The following PRDM2 variants were observed in gnomAD, a reference collection of about 807,000 sequenced individuals.
PRDM2 encodes the protein PR domain zinc finger protein 2.
PRDM2 carries 30 observed loss-of-function variants against 130.0 expected under a neutral mutation model. The ratio of observed to expected loss-of-function variants is 0.23; its 90% CI spans 0.17 to 0.31. The LOEUF is 0.31. Among genes scored for constraint, PRDM2 ranks in the 10% least tolerant of loss-of-function variants. The probability of loss-of-function intolerance (pLI) is 1.00; values close to 1 mark genes in which losing one functional copy is unlikely to be tolerated. For missense variants in PRDM2, 2,011 were observed against 2,108.4 expected, an observed-to-expected ratio of 0.95 and a Z score of 0.90; for synonymous variants, 871 against 782.4, an observed-to-expected ratio of 1.11 and a Z score of -1.89.
Position 13,816,440 on chromosome 1 carries a change from T to C in PRDM2, c.5050T>C (p.Leu1684=). The C allele has an allele frequency of 3.1e-6, 5 of 1,614,150 alleles. No individual in the cohort carries two copies. The highest frequency in any genetic ancestry group is 4.2e-6 in the Non-Finnish European group (5 of 1,180,016). ...ELKDFSYSLR[L]ASRCSPPAAP... ...CTTCCTGCACAGCTACAGCCTCCGC[T>C]TGGCGTCCCGATGCTCTCCACCAGC... The change falls in exon 9 of 10, where the codon TTG becomes CTG. Residue 1684 remains leucine (L), a synonymous_variant. Transcript: ENST00000311066.
At chr1:13,800,733 G>A (rs1023725349) in intron 8 of PRDM2, among the ~76,000 whole-genome samples, 1 of 152,148 alleles carries the variant, frequency 6.6e-6, no homozygotes, top group South Asian at 2.1e-4. Flanking sequence ...ATGCTTAAAT[G>A]TACCCATACT....
intron 8 of PRDM2, among the ~76,000 whole-genome samples, chr1:13,811,887 G>C (rs1472370511): frequency 6.6e-6 from 1 of 152,256 alleles, no homozygotes; most frequent in Non-Finnish European, 1.5e-5. Flanking sequence ...GTGGGAGGGA[G>C]CTGTGGGCAG....
chr1:13,803,558 A>G lies in PRDM2; in HGVS notation c.5037-12869A>G, dbSNP rs923865074. 1.3e-5 allele frequency among the ~76,000 whole-genome samples: 2 copies of G among 152,094 alleles called. No individual in the cohort carries two copies. Among genetic ancestry groups the G allele is most frequent in the Admixed American group, 6.5e-5 (1 of 15,280 alleles). On this transcript the variant is annotated intron_variant, in intron 8 of 9. Transcript: ENST00000311066. The surrounding 1 kb of genome is among the most constrained non-coding windows in gnomAD (Gnocchi z 6.2). ...CTGTCTCCTCACTGCTCCCAAGAAC[A>G]ACCTGGAGTATGACTGTGAGCGAGT...
At chr1:13,797,157 C>T (rs1644935439) in intron 8 of PRDM2, among the ~76,000 whole-genome samples, 1 of 152,170 alleles carries the variant, frequency 6.6e-6, no homozygotes, top group African/African-American at 2.4e-5. Context: ...AGTTCACTAC[C>T]TTTAGCAGAG....
intron 1 of PRDM2, among the ~76,000 whole-genome samples, chr1:13,706,095 T>A (rs1286031846): frequency 1.3e-5 from 2 of 151,880 alleles, no homozygotes; most frequent in Non-Finnish European, 2.9e-5. Context: ...CTGCAGTCAC[T>A]CACATTCCAA....
At chr1:13,791,884 T>G (rs1644846194) in intron 8 of PRDM2, among the ~76,000 whole-genome samples, 1 of 152,222 alleles carries the variant, frequency 6.6e-6, no homozygotes, top group East Asian at 1.9e-4. Flanking sequence ...TTTCAACTCT[T>G]TTTTAAAATA....
At chr1:13,793,252 G>C (rs574868565) in intron 8 of PRDM2, among the ~76,000 whole-genome samples, 11 of 152,372 alleles carry the variant, frequency 7.2e-5, no homozygotes, top group African/African-American at 2.6e-4. Flanking sequence ...GCCACATGCC[G>C]TGCGCGTTAC....
intron 2 of PRDM2, among the ~76,000 whole-genome samples, chr1:13,721,230 T>C (rs1412608500): frequency 6.6e-6 from 1 of 152,212 alleles, no homozygotes; most frequent in Non-Finnish European, 1.5e-5. Flanking sequence ...TGGGAGACCA[T>C]CTGACCATGT....
At chr1:13,728,114 G>C (rs974776261) in intron 2 of PRDM2, among the ~76,000 whole-genome samples, 1 of 152,114 alleles carries the variant, frequency 6.6e-6, no homozygotes, top group Non-Finnish European at 1.5e-5. Context: ...AGATGACCCA[G>C]CTCTTTCATT....
rs72869947 is a variant in PRDM2, at chr1:13,772,986, T to C, written c.512-92T>C. 4.5e-3 allele frequency: 3,289 copies of C among 727,316 alleles called. 86 individuals carry two copies. In the African/African-American group the frequency reaches 0.054, roughly 12 times the overall value. The allele number at this position is 727,316 out of a possible 1,614,324, so 45.1% of individuals were successfully genotyped here. Reference sequence around the variant, plus strand: ...GTGTTCTTGATTGGATTAATAATTATCTTCAGTAATTCAGAATAACACATG... The same window carrying C: ...GTGTTCTTGATTGGATTAATAATTACCTTCAGTAATTCAGAATAACACATG... On this transcript the variant is annotated intron_variant, in intron 6 of 9. Transcript: ENST00000311066.
At chr1:13,808,217 C>T (rs551308191) in intron 8 of PRDM2, among the ~76,000 whole-genome samples, 6 of 152,244 alleles carry the variant, frequency 3.9e-5, no homozygotes, top group Admixed American at 1.3e-4. Flanking sequence ...CTGGGCCGGG[C>T]GCGGTGGCTC....
rs753249437 is a variant in PRDM2, at chr1:13,782,628, G to T, written c.4833G>T (p.Leu1611=). ...AQLSSKTSRS[L]HVRVQKSKAV... ...TTTCCAGCAAAACATCACGGAGCCT[G>T]CACGTGAGGGTACAGAAAAGCAAAG... Residue 1611 remains leucine (L), a synonymous_variant, in exon 8 of 10, where the codon CTG becomes CTT. Coordinates refer to ENST00000311066, the MANE Select transcript of PRDM2 (RefSeq NM_001393986.1). 4.3e-6 allele frequency: 7 copies of T among 1,614,152 alleles called. No individual in the cohort carries two copies. The highest frequency in any genetic ancestry group is 5.1e-6 in the Non-Finnish European group (6 of 1,180,038).
chr1:13,718,752 C>T (rs939165881), intron 2 of PRDM2, among the ~76,000 whole-genome samples: 4 of 152,142 alleles, frequency 2.6e-5, no homozygotes, highest in Non-Finnish European at 4.4e-5. Flanking sequence ...CCTCCCCTGG[C>T]TCTCCATGCT....
At position 13,778,566 on chromosome 1, in the gene PRDM2, A is replaced by G; in HGVS notation, c.771A>G (p.Glu257=). 1.2e-6 allele frequency: 2 copies of G among 1,614,178 alleles called. No homozygotes were observed. The highest frequency in any genetic ancestry group is 1.7e-6 in the Non-Finnish European group (2 of 1,180,050). ...EPQPEPDERL[E]AAACEVNDLG... ...AGCCAGAACCAGACGAGCGATTAGA[A>G]GCGGCAGCTTGTGAGGTGAATGATT... Residue 257 remains glutamate (E), a synonymous_variant, in exon 8 of 10, where the codon GAA becomes GAG. Coordinates refer to ENST00000311066, the MANE Select transcript of PRDM2 (RefSeq NM_001393986.1).
chr1:13,819,485 A>G (rs758089084), intron 9 of PRDM2, among the ~76,000 whole-genome samples: 6 of 152,130 alleles, frequency 3.9e-5, no homozygotes, highest in Non-Finnish European at 7.4e-5. Flanking sequence ...GCTCCTTAAA[A>G]TCTTCTGTAG....
At chr1:13,787,493 A>G in intron 8 of PRDM2, 2 of 985,124 alleles carry the variant, frequency 2.0e-6, no homozygotes, top group Non-Finnish European at 2.4e-6. Flanking sequence ...TTCAAAAGTA[A>G]TCTACCTCTG....
In PRDM2 at chr1:13,745,455, T is replaced by TG. The variant is rs542789546; in HGVS notation, c.384+3299dup. On this transcript the variant is annotated intron_variant, in intron 5 of 9. Transcript: ENST00000311066. The stretch of plus-strand genomic sequence containing the variant: ...TTTTTTTTTTTTTGAGACAGAGTTG[T>TG]GCTCTGTCGCCCAGGCTGGAGTGCA... Among the ~76,000 whole-genome samples the TG allele has an allele frequency of 1.2e-4, 18 of 151,002 alleles. No homozygotes were observed. The South Asian group carries it at 3.4e-3, about 28-fold the overall frequency.
intron 8 of PRDM2, among the ~76,000 whole-genome samples, chr1:13,798,174 T>G (rs1277260346): frequency 6.6e-6 from 1 of 152,020 alleles, no homozygotes; most frequent in African/African-American, 2.4e-5. Flanking sequence ...TGGTAGGAAC[T>G]CAGTATTTGT....
At chr1:13,717,743 C>A (rs956491388) in intron 2 of PRDM2, among the ~76,000 whole-genome samples, 1 of 151,154 alleles carries the variant, frequency 6.6e-6, no homozygotes, top group Non-Finnish European at 1.5e-5. Flanking sequence ...AATATCAGAT[C>A]TGCAGAAGAC....
Sources: gnomAD v4.1 joint callset for allele counts (sites outside exome capture counted in the v4.1 genomes callset) on GRCh38, gnomAD v4.1.1 for gene constraint, Gnocchi (gnomAD v3.1) non-coding constraint, MANE v1.5 for transcripts, NCBI Gene and HGNC (gene_info 2026-07-23, HGNC 2026-07-21) for gene names.